Variants in ARHGEF12 observed in about 807,000 individuals in gnomAD.
ARHGEF12 encodes the protein KMT2A/ARHGEF12 fusion protein.
In ARHGEF12, 66 loss-of-function variants were observed where a neutral mutation model predicts 211.2. The observed-to-expected ratio is 0.31, with a 90% CI of 0.26 to 0.38. ARHGEF12 has a LOEUF of 0.38. ARHGEF12 is among the 10% of genes least tolerant of loss of function. The pLI is 1.00. For synonymous variants in ARHGEF12, 592 were observed against 638.4 expected (o/e 0.93, Z 1.09); for missense variants, 1,429 against 1,869.5 (o/e 0.76, Z 4.34).
intron 30 of ARHGEF12, among the ~76,000 whole-genome samples, chr11:120,471,878 C>G (rs1203770398): frequency 6.6e-6 from 1 of 152,116 alleles, no homozygotes; most frequent in African/African-American, 2.4e-5. Flanking sequence ...TTTGATCCAA[C>G]AGTTCTGGAA....
intron 1 of ARHGEF12, among the ~76,000 whole-genome samples, chr11:120,398,209 A>G (rs2135531757): frequency 6.6e-6 from 1 of 152,324 alleles, no homozygotes; most frequent in Admixed American, 6.5e-5. Flanking sequence ...TGTTAAGTAT[A>G]TTAGGATAAG....
intron 1 of ARHGEF12, among the ~76,000 whole-genome samples, chr11:120,367,773 C>A (rs184269409): frequency 3.9e-5 from 6 of 152,262 alleles, no homozygotes; most frequent in Non-Finnish European, 8.8e-5. Flanking sequence ...GTGTTTGAGA[C>A]TAGCCCTGGC....
rs186582316 is a variant in ARHGEF12 at position 120,394,906 on chromosome 11, A to C, written c.33-11212A>C. ...GACCCCATCTTTACTAAAAATACAAACATCAGCCGGCATTGTGGCGCGAAC... is the reference window on the plus strand; with the variant it reads ...GACCCCATCTTTACTAAAAATACAACCATCAGCCGGCATTGTGGCGCGAAC... On this transcript the variant is annotated intron_variant, in intron 1 of 40. Transcript: ENST00000397843. Among the ~76,000 whole-genome samples, 145 of 151,742 alleles carry C rather than the reference A, an allele frequency of 9.6e-4. 1 individual carries two copies. Among genetic ancestry groups the C allele is most frequent in the African/African-American group, 3.5e-3 (143 of 41,394 alleles).
chr11:120,339,156 A>G (rs1591472085), intron 1 of ARHGEF12, among the ~76,000 whole-genome samples: 2 of 151,790 alleles, frequency 1.3e-5, no homozygotes, highest in South Asian at 2.1e-4. Flanking sequence ...TTTTTTTTAA[A>G]GAAAAGACCT....
At chr11:120,451,331 A>G (rs1332084540) in intron 21 of ARHGEF12, 181 bp from the exon 22 acceptor site, 8 of 528,230 alleles carry the variant, frequency 1.5e-5, no homozygotes, top group Non-Finnish European at 2.7e-5. Flanking sequence ...GGCATGTGCC[A>G]CCACGCCCAG....
At chr11:120,433,693 C>T (rs1945612587) in intron 11 of ARHGEF12, among the ~76,000 whole-genome samples, 1 of 152,298 alleles carries the variant, frequency 6.6e-6, no homozygotes, top group Non-Finnish European at 1.5e-5. Context: ...CCGTGGATCA[C>T]GCCTGTAATC....
At chr11:120,433,502 T>G (rs1565478033) in intron 11 of ARHGEF12, among the ~76,000 whole-genome samples, 1 of 152,236 alleles carries the variant, frequency 6.6e-6, no homozygotes, top group Non-Finnish European at 1.5e-5. Context: ...GGGAAGTTCC[T>G]TGAGAGCAGA....
chr11:120,471,250 A>C (rs186276234), intron 30 of ARHGEF12, among the ~76,000 whole-genome samples: 271 of 152,348 alleles, frequency 1.8e-3, no homozygotes, highest in Middle Eastern at 6.8e-3. Flanking sequence ...ACTGTGGTAT[A>C]GTTATAAAAT....
chr11:120,425,595 C>T (rs1172102533), intron 7 of ARHGEF12, among the ~76,000 whole-genome samples: 3 of 151,742 alleles, frequency 2.0e-5, no homozygotes, highest in Non-Finnish European at 2.9e-5. Flanking sequence ...CTATACCTGG[C>T]CAAGATTTTA....
intron 1 of ARHGEF12, among the ~76,000 whole-genome samples, chr11:120,398,997 A>C (rs551894093): frequency 6.6e-6 from 1 of 152,164 alleles, no homozygotes; most frequent in African/African-American, 2.4e-5. Flanking sequence ...ATTAATATGT[A>C]AGGTTTTTAT....
chr11:120,407,625 G>A, intron 2 of ARHGEF12, 113 bp from the exon 3 acceptor site: 1 of 744,626 alleles, frequency 1.3e-6, no homozygotes, highest in Non-Finnish European at 2.2e-6. Flanking sequence ...ATGGTGCTGT[G>A]TAAAGTAAAC....
At chr11:120,363,112 A>G (rs1244594488) in intron 1 of ARHGEF12, among the ~76,000 whole-genome samples, 1 of 152,266 alleles carries the variant, frequency 6.6e-6, no homozygotes, top group Non-Finnish European at 1.5e-5. Context: ...AAAATAAAAA[A>G]AGAAAAAAGG....
chr11:120,409,604 G>T, intron 4 of ARHGEF12, 154 bp downstream of exon 4: 2 of 709,992 alleles, frequency 2.8e-6, no homozygotes, highest in South Asian at 2.2e-5. Flanking sequence ...GGGAAAGGGA[G>T]CCTGGGGTTT....
intron 11 of ARHGEF12, among the ~76,000 whole-genome samples, chr11:120,435,258 CATTT>C (rs1392892539): frequency 6.6e-6 from 1 of 151,820 alleles, no homozygotes; most frequent in Non-Finnish European, 1.5e-5. Context: ...TAAAACAATC[CATTT>C]TCTAATTATA....
intron 1 of ARHGEF12, among the ~76,000 whole-genome samples, chr11:120,355,209 T>A (rs1943097374): frequency 6.6e-6 from 1 of 152,238 alleles, no homozygotes. Context: ...TGTTTTCCCA[T>A]ATTTATTTTT....
At chr11:120,482,541 C>G (rs1413582614) in intron 39 of ARHGEF12, among the ~76,000 whole-genome samples, 1 of 151,960 alleles carries the variant, frequency 6.6e-6, no homozygotes. Context: ...GTCAGGAGAT[C>G]GAGACCATCC....
At chr11:120,396,939 T>A (rs1450344165) in intron 1 of ARHGEF12, among the ~76,000 whole-genome samples, 1 of 152,310 alleles carries the variant, frequency 6.6e-6, no homozygotes, top group South Asian at 2.1e-4. Flanking sequence ...AAACTGAGAA[T>A]CTCTATATGA....
chr11:120,478,250 T>A lies in ARHGEF12; in HGVS notation c.3627T>A (p.Phe1209Leu). Residue 1209 changes from phenylalanine to leucine, a missense_variant, in exon 37 of 41, where the codon TTT becomes TTA. Physicochemically the swap from Phe to Leu is conservative, Grantham distance 22. Around this residue, in one of 7 missense-constraint regions of ARHGEF12, gnomAD observed 467 missense variants for 468.4 expected, o/e 1.00. Transcript: ENST00000397843. ...GGAAATCAGAGGTACGTGATCTGTTTGTGGCTGAGAGACAGTTTGCAAAGG... is the reference window on the plus strand; with the variant it reads ...GGAAATCAGAGGTACGTGATCTGTTAGTGGCTGAGAGACAGTTTGCAAAGG... ...TSGKSEVRDL[F>L]VAERQFAKEQ... 6.2e-7 allele frequency: 1 copy of A among 1,614,190 alleles called. No individual in the cohort carries two copies. Among genetic ancestry groups the A allele is most frequent in the Non-Finnish European group, 8.5e-7 (1 of 1,180,026 alleles).
chr11:120,445,927 A>T (rs1033764013), intron 16 of ARHGEF12, among the ~76,000 whole-genome samples: 8 of 151,986 alleles, frequency 5.3e-5, no homozygotes, highest in African/African-American at 1.9e-4. Context: ...GGCTGGGCGC[A>T]GTGGCTCACG....
Sources: gnomAD v4.1 joint callset for allele counts (sites outside exome capture counted in the v4.1 genomes callset) on GRCh38, gnomAD v4.1.1 for gene constraint, gnomAD v4.1.1 regional missense constraint, MANE v1.5 for transcripts, NCBI Gene and HGNC (gene_info 2026-07-23, HGNC 2026-07-21) for gene names.